CNTNAP2: variants seen among roughly 807,000 people sequenced by gnomAD.
The protein encoded by CNTNAP2 is contactin associated protein 2.
In CNTNAP2, 98 loss-of-function variants were observed where a neutral mutation model predicts 155.2. That is an observed-to-expected ratio of 0.63 (90% CI 0.54 to 0.75). CNTNAP2 has a LOEUF of 0.75. Among genes scored for constraint, CNTNAP2 ranks in the 30% least tolerant of loss-of-function variants. The probability of loss-of-function intolerance (pLI) is 0.00; values close to 1 mark genes in which losing one functional copy is unlikely to be tolerated. For missense variants in CNTNAP2, 1,727 were observed against 1,688.1 expected (o/e 1.02, Z -0.40); for synonymous variants, 651 against 631.2 (o/e 1.03, Z -0.47).
At chr7:146,419,891 G>A (rs1218317268) in intron 1 of CNTNAP2, among the ~76,000 whole-genome samples, 9 of 152,094 alleles carry the variant, frequency 5.9e-5, no homozygotes, top group African/African-American at 2.2e-4. Context: ...AAATCTGAAT[G>A]TAAACATTGT....
chr7:147,564,466 G>A (rs902231728), intron 12 of CNTNAP2, among the ~76,000 whole-genome samples: 5 of 152,064 alleles, frequency 3.3e-5, no homozygotes, highest in African/African-American at 1.2e-4. Flanking sequence ...TAAGAATCTC[G>A]ATTCTGGTTT....
chr7:148,035,532 T>A (rs1802558077), intron 15 of CNTNAP2, among the ~76,000 whole-genome samples: 1 of 152,194 alleles, frequency 6.6e-6, no homozygotes, highest in Non-Finnish European at 1.5e-5. Flanking sequence ...GGGTAATCTT[T>A]GGTGGTACCT....
chr7:147,446,027 G>A (rs373117929), intron 10 of CNTNAP2, among the ~76,000 whole-genome samples: 4 of 151,842 alleles, frequency 2.6e-5, no homozygotes, highest in Non-Finnish European at 4.4e-5. Flanking sequence ...CTGATAAATC[G>A]CCTACCACCC....
At chr7:146,484,640 AAAG>A (rs1797027772) in intron 1 of CNTNAP2, among the ~76,000 whole-genome samples, 1 of 152,044 alleles carries the variant, frequency 6.6e-6, no homozygotes, top group South Asian at 2.1e-4. Context: ...GAAAGAAAGA[AAAG>A]AAAGAAAGAA....
intron 3 of CNTNAP2, among the ~76,000 whole-genome samples, chr7:147,014,802 C>A (rs1027636295): frequency 1.3e-5 from 2 of 152,166 alleles, no homozygotes; most frequent in African/African-American, 4.8e-5. Context: ...ATCTGTAATA[C>A]ATACTCATAG....
chr7:147,492,024 C>T (rs951717245), intron 11 of CNTNAP2, among the ~76,000 whole-genome samples: 6 of 152,110 alleles, frequency 3.9e-5, no homozygotes, highest in Non-Finnish European at 7.3e-5. Context: ...GTAACAATAG[C>T]AAAGGAAGTT....
chr7:146,833,268 C>G (rs1452454082), intron 2 of CNTNAP2, among the ~76,000 whole-genome samples: 1 of 152,106 alleles, frequency 6.6e-6, no homozygotes, highest in Non-Finnish European at 1.5e-5. Flanking sequence ...TGGTGTTGAA[C>G]TTTTGACTTT....
At chr7:147,249,604 T>TAAAAAAAAAAAAAA (rs755601249) in intron 8 of CNTNAP2, among the ~76,000 whole-genome samples, 15 of 70,006 alleles carry the variant, frequency 2.1e-4, no homozygotes, top group East Asian at 1.8e-3. Context: ...ACATTGGAGG[T>TAAAAAAAAAAAAAA]AAAAAAAAAA....
intron 3 of CNTNAP2, among the ~76,000 whole-genome samples, chr7:146,956,082 A>G (rs1797429039): frequency 1.5e-5 from 2 of 130,450 alleles, no homozygotes; most frequent in African/African-American, 5.4e-5. Flanking sequence ...GAGATGAAGG[A>G]GATCATTAGA....
intron 21 of CNTNAP2, among the ~76,000 whole-genome samples, chr7:148,373,805 T>A (rs925848288): frequency 6.6e-6 from 1 of 152,208 alleles, no homozygotes; most frequent in African/African-American, 2.4e-5. Context: ...GCAGTGAGAA[T>A]AGGTGTTGAC....
At chr7:147,341,123 A>G (rs1374282439) in intron 9 of CNTNAP2, among the ~76,000 whole-genome samples, 2 of 127,182 alleles carry the variant, frequency 1.6e-5, no homozygotes, top group Non-Finnish European at 3.5e-5. Flanking sequence ...TTATAAATAT[A>G]GCTCTAGTTT....
intron 13 of CNTNAP2, among the ~76,000 whole-genome samples, chr7:147,652,894 G>C (rs1391311713): frequency 6.6e-6 from 1 of 152,020 alleles, no homozygotes; most frequent in Admixed American, 6.5e-5. Flanking sequence ...TTGTTGTTTT[G>C]TTAAGTAGTA....
chr7:146,710,483 C>T (rs1315149872), intron 1 of CNTNAP2, among the ~76,000 whole-genome samples: 1 of 152,090 alleles, frequency 6.6e-6, no homozygotes, highest in Non-Finnish European at 1.5e-5. Context: ...AGAAACTACC[C>T]AATAAGTAAA....
Position 147,301,573 on chromosome 7 carries a change from GCT to G in CNTNAP2, c.1498+1302_1498+1303del, listed in dbSNP as rs1273428300. ...GTTTAATTAAATATATAGTTATATA[GCT>G]CTCTCTCTCTCTCTCTCTGTGTGTG... is the stretch of plus-strand genomic sequence containing the variant. On this transcript the variant is annotated intron_variant, in intron 9 of 23. Coordinates refer to ENST00000361727, the MANE Select transcript of CNTNAP2 (RefSeq NM_014141.6). 5.1e-3 allele frequency among the ~76,000 whole-genome samples: 706 copies of G among 139,218 alleles called. 7 individuals are homozygous for G. The highest frequency in any genetic ancestry group is 0.012 in the African/African-American group (431 of 36,748). 91.3% of individuals were successfully genotyped at this position (139,218 alleles called of 152,430 possible).
At chr7:146,191,023 A>G (rs959782929) in intron 1 of CNTNAP2, among the ~76,000 whole-genome samples, 1 of 152,184 alleles carries the variant, frequency 6.6e-6, no homozygotes, top group African/African-American at 2.4e-5. Context: ...TAAGTTCATA[A>G]TGTAGGTATT....
At chr7:147,151,776 T>G (rs1202994325) in intron 8 of CNTNAP2, among the ~76,000 whole-genome samples, 1 of 152,186 alleles carries the variant, frequency 6.6e-6, no homozygotes, top group East Asian at 1.9e-4. Context: ...AAAGGATAGT[T>G]CCTTTTAGGG....
chr7:146,425,832 A>G (rs1796078838), intron 1 of CNTNAP2, among the ~76,000 whole-genome samples: 1 of 152,062 alleles, frequency 6.6e-6, no homozygotes, highest in Non-Finnish European at 1.5e-5. Flanking sequence ...TTTTGAGGAG[A>G]AGAAACTACA....
At chr7:147,654,804 A>ATTTTTTT (rs1795500468) in intron 13 of CNTNAP2, among the ~76,000 whole-genome samples, 8 of 104,050 alleles carry the variant, frequency 7.7e-5, no homozygotes, top group Admixed American at 5.2e-4. Flanking sequence ...AGCAAAATAT[A>ATTTTTTT]TTTCTTTTTT....
At chr7:148,389,159 CTATTCTTT>C (rs1159647757) in intron 22 of CNTNAP2, among the ~76,000 whole-genome samples, 2 of 152,196 alleles carry the variant, frequency 1.3e-5, no homozygotes, top group Non-Finnish European at 2.9e-5. Flanking sequence ...TTGGCTCCTC[CTATTCTTT>C]TATTCCTTTA....
Sources: allele counts gnomAD v4.1 joint callset (sites outside exome capture counted in the v4.1 genomes callset), GRCh38; gene constraint gnomAD v4.1.1; transcripts MANE v1.5; gene names NCBI Gene and HGNC (gene_info 2026-07-23, HGNC 2026-07-21).